Variants in KMT2C observed in about 807,000 individuals in gnomAD.
The protein encoded by KMT2C is lysine methyltransferase 2C.
In KMT2C, 88 loss-of-function variants were observed where a neutral mutation model predicts 507.9. That is an observed-to-expected ratio of 0.17 (90% CI 0.15 to 0.21). The LOEUF is 0.21. KMT2C is among the 10% of genes least tolerant of loss of function. KMT2C has a pLI of 1.00. For missense variants in KMT2C, 4,954 were observed against 5,957.8 expected (o/e 0.83, Z 5.55); for synonymous variants, 2,049 against 2,080.8 (o/e 0.98, Z 0.42).
chr7:152,231,722 A>C (rs2095119907), intron 16 of KMT2C, among the ~76,000 whole-genome samples: 1 of 152,094 alleles, frequency 6.6e-6, no homozygotes, highest in Admixed American at 6.5e-5. Flanking sequence ...CAGAGGTTAC[A>C]GTGAGCCAAG....
intron 23 of KMT2C, among the ~76,000 whole-genome samples, chr7:152,209,912 C>G (rs1338258877): frequency 6.6e-6 from 1 of 152,046 alleles, no homozygotes; most frequent in African/African-American, 2.4e-5. Flanking sequence ...GGAGAAAACC[C>G]AAGCAACAAG....
chr7:152,402,022 A>C (rs2097577775), intron 1 of KMT2C, among the ~76,000 whole-genome samples: 1 of 152,286 alleles, frequency 6.6e-6, no homozygotes, highest in African/African-American at 2.4e-5. Context: ...AGACAGGAGA[A>C]TCGCTTGAAC....
intron 14 of KMT2C, among the ~76,000 whole-genome samples, chr7:152,240,320 T>C (rs569061706): frequency 6.6e-6 from 1 of 152,388 alleles, no homozygotes; most frequent in Admixed American, 6.5e-5. Context: ...TCCTGACATC[T>C]GGCATACTGT....
intron 14 of KMT2C, among the ~76,000 whole-genome samples, chr7:152,240,798 C>A (rs1471721105): frequency 1.3e-5 from 2 of 152,188 alleles, no homozygotes; most frequent in Non-Finnish European, 2.9e-5. Flanking sequence ...AATCCTTCTA[C>A]TTCTTGTCAC....
intron 23 of KMT2C, among the ~76,000 whole-genome samples, chr7:152,210,249 A>G (rs1234966160): frequency 6.6e-6 from 1 of 152,222 alleles, no homozygotes; most frequent in South Asian, 2.1e-4. Context: ...TACGGAAACC[A>G]GAGGGTTCAC....
intron 6 of KMT2C, among the ~76,000 whole-genome samples, chr7:152,299,505 G>A (rs1268855658): frequency 2.0e-5 from 3 of 151,256 alleles, no homozygotes; most frequent in African/African-American, 7.3e-5. Flanking sequence ...ATAAAACAAA[G>A]TAGCCAGGTG....
intron 14 of KMT2C, among the ~76,000 whole-genome samples, chr7:152,241,499 G>T (rs1425335063): frequency 6.6e-6 from 1 of 152,236 alleles, no homozygotes; most frequent in South Asian, 2.1e-4. Flanking sequence ...CATGTCTGGC[G>T]TTTTCTAACC....
At chr7:152,249,528 G>A (rs1165907915) in intron 13 of KMT2C, among the ~76,000 whole-genome samples, 18 of 150,306 alleles carry the variant, frequency 1.2e-4, no homozygotes, top group Admixed American at 4.0e-4. Flanking sequence ...TCACTATATC[G>A]CCCAGGCCTA....
In KMT2C at chr7:152,182,205, C is replaced by A; in HGVS notation, c.5655G>T (p.Gly1885=). The A allele has an allele frequency of 1.2e-6, 2 of 1,613,984 alleles. No individual in the cohort carries two copies. Among genetic ancestry groups the A allele is most frequent in the Non-Finnish European group, 1.7e-6 (2 of 1,179,988 alleles). ...GAGATGGTGGTCGTGAGTTAGAGGACCCAGGTGAAAACACTTGCGGTGAGG... is the reference window on the plus strand; with the variant it reads ...GAGATGGTGGTCGTGAGTTAGAGGAACCAGGTGAAAACACTTGCGGTGAGG... The part of the protein sequence containing the change: ...QPPSPQVFSP[G]SSNSRPPSPM... The change falls in exon 36 of 59, where the codon GGG becomes GGT. Residue 1885 remains glycine (G), a synonymous_variant. Transcript: ENST00000262189.
intron 6 of KMT2C, among the ~76,000 whole-genome samples, chr7:152,274,476 C>T (rs1321457477): frequency 1.8e-4 from 27 of 152,184 alleles, no homozygotes; most frequent in African/African-American, 6.3e-4. Context: ...CCCATTTCAA[C>T]CTGCCTCCAT....
chr7:152,297,059 G>GACAGAC (rs1563767704), intron 6 of KMT2C, among the ~76,000 whole-genome samples: 7 of 64,394 alleles, frequency 1.1e-4, no homozygotes, highest in South Asian at 5.2e-4. Flanking sequence ...GAAAGACAGA[G>GACAGAC]AGAGAGAGAG....
intron 26 of KMT2C, among the ~76,000 whole-genome samples, 184 bp from the exon 27 acceptor site, chr7:152,199,643 CCTT>C (rs1455355672): frequency 6.6e-6 from 1 of 152,054 alleles, no homozygotes; most frequent in Non-Finnish European, 1.5e-5. Context: ...TATAGATTCT[CCTT>C]ATTTTAAAAA....
intron 26 of KMT2C, among the ~76,000 whole-genome samples, chr7:152,200,454 C>A (rs148541113): frequency 6.6e-6 from 1 of 152,184 alleles, no homozygotes; most frequent in East Asian, 1.9e-4. Flanking sequence ...ACAGGTCGGG[C>A]GCAGTAGCTC....
At chr7:152,153,062 A>G in intron 48 of KMT2C, 108 bp from the exon 49 acceptor site, 1 of 1,349,534 alleles carries the variant, frequency 7.4e-7, no homozygotes, top group South Asian at 1.6e-5. Context: ...CATAGATTCT[A>G]AGAAAATCCA....
intron 13 of KMT2C, among the ~76,000 whole-genome samples, chr7:152,249,320 G>GTTTT (rs200151238): frequency 2.9e-4 from 27 of 94,664 alleles, no homozygotes; most frequent in African/African-American, 9.1e-4. Flanking sequence ...AATTTATCTG[G>GTTTT]TTTTTTTTTT....
At chr7:152,208,205 T>TA (rs1420632112) in intron 23 of KMT2C, among the ~76,000 whole-genome samples, 1 of 152,246 alleles carries the variant, frequency 6.6e-6, no homozygotes, top group East Asian at 1.9e-4. Context: ...CAAGGCCCAT[T>TA]ACAACAGTCT....
intron 6 of KMT2C, among the ~76,000 whole-genome samples, chr7:152,299,250 G>A (rs1313999024): frequency 6.6e-6 from 1 of 151,732 alleles, no homozygotes. Flanking sequence ...CCCAGGAGGC[G>A]GAGACTACAG....
intron 38 of KMT2C, among the ~76,000 whole-genome samples, chr7:152,174,762 T>C (rs2093121283): frequency 6.6e-6 from 1 of 152,228 alleles, no homozygotes; most frequent in African/African-American, 2.4e-5. Flanking sequence ...TTTTATTATT[T>C]AGAATAAGGC....
rs1056872050 is a variant in KMT2C at position 152,188,615 on chromosome 7, T to G, written c.4661-768A>C. ...ATCTATGATTCTTTCCTTTTTTTTT[T>G]TTTTTTTTTGTTTTTGAGATGGAGT... On this transcript the variant is annotated intron_variant, in intron 31 of 58. Coordinates refer to ENST00000262189, the MANE Select transcript of KMT2C (RefSeq NM_170606.3). 1.7e-4 allele frequency among the ~76,000 whole-genome samples: 22 copies of G among 133,068 alleles called. 1 individual carries two copies. The highest frequency in any genetic ancestry group is 6.6e-4 in the African/African-American group (20 of 30,290). 87.3% of individuals were successfully genotyped at this position (133,068 alleles called of 152,430 possible). A position where few individuals can be genotyped will look rare whatever the true frequency, so the allele number is the denominator to read the frequency against.
Sources: allele counts gnomAD v4.1 joint callset (sites outside exome capture counted in the v4.1 genomes callset), GRCh38; gene constraint gnomAD v4.1.1; transcripts MANE v1.5; gene names NCBI Gene and HGNC (gene_info 2026-07-23, HGNC 2026-07-21).